MYO1D: variants seen among roughly 807,000 people sequenced by gnomAD.
The protein encoded by MYO1D is unconventional myosin-Id.
Under a neutral mutation model 122.0 loss-of-function variants are expected in MYO1D, and 83 were observed. The observed-to-expected ratio is 0.68, with a 90% CI of 0.57 to 0.82. The LOEUF is 0.82. Among genes scored for constraint, MYO1D ranks in the 40% least tolerant of loss-of-function variants. The pLI is 0.00. For missense variants in MYO1D, 1,157 were observed against 1,269.5 expected (o/e 0.91, Z 1.35); for synonymous variants, 464 against 446.9 (o/e 1.04, Z -0.48).
chr17:32,674,372 T>A (rs1014171849), intron 16 of MYO1D, among the ~76,000 whole-genome samples: 2 of 152,212 alleles, frequency 1.3e-5, no homozygotes, highest in African/African-American at 4.8e-5. Context: ...TATTGCAAAG[T>A]TTTTTTCTGT....
chr17:32,670,852 A>G (rs1275450200), intron 16 of MYO1D, among the ~76,000 whole-genome samples: 1 of 152,196 alleles, frequency 6.6e-6, no homozygotes, highest in Non-Finnish European at 1.5e-5. Flanking sequence ...TTTGTTGCTC[A>G]ATAAAATGTT....
At chr17:32,785,419 A>T (rs1335948454) in intron 1 of MYO1D, among the ~76,000 whole-genome samples, 1 of 152,244 alleles carries the variant, frequency 6.6e-6, no homozygotes, top group Non-Finnish European at 1.5e-5. Flanking sequence ...GGTGTTGCTT[A>T]ATCACACTGA....
chr17:32,700,168 G>A (rs1367330952), intron 16 of MYO1D, among the ~76,000 whole-genome samples: 1 of 152,174 alleles, frequency 6.6e-6, no homozygotes, highest in Non-Finnish European at 1.5e-5. Flanking sequence ...TGGCACCAAG[G>A]ACCAATTTCA....
chr17:32,582,113 C>T (rs950859565), intron 21 of MYO1D, among the ~76,000 whole-genome samples: 4 of 151,918 alleles, frequency 2.6e-5, no homozygotes, highest in Middle Eastern at 6.3e-3. Flanking sequence ...TAGGGTTTTA[C>T]CACGTTGCCC....
chr17:32,642,666 A>C (rs1016756100), intron 19 of MYO1D, among the ~76,000 whole-genome samples: 1 of 152,110 alleles, frequency 6.6e-6, no homozygotes, highest in African/African-American at 2.4e-5. Flanking sequence ...TTGGATTCCT[A>C]GGTATTTTAT....
intron 21 of MYO1D, among the ~76,000 whole-genome samples, chr17:32,519,859 T>C (rs1024554435): frequency 2.7e-5 from 4 of 150,014 alleles, no homozygotes; most frequent in South Asian, 2.1e-4. Context: ...GACAAAAACA[T>C]TGAACAATGG....
intron 8 of MYO1D, among the ~76,000 whole-genome samples, chr17:32,764,572 T>TA (rs1323982237): frequency 7.9e-5 from 12 of 151,848 alleles, no homozygotes; most frequent in Admixed American, 5.9e-4. Flanking sequence ...AAATAAAACT[T>TA]AAAAAAAATG....
intron 1 of MYO1D, among the ~76,000 whole-genome samples, chr17:32,840,079 C>T (rs2090865391): frequency 6.6e-6 from 1 of 152,156 alleles, no homozygotes; most frequent in Admixed American, 6.5e-5. Flanking sequence ...GAGATGTTTA[C>T]CCCACTGGAG....
chr17:32,591,615 T>C (rs1468970914), intron 21 of MYO1D, among the ~76,000 whole-genome samples: 1 of 152,154 alleles, frequency 6.6e-6, no homozygotes, highest in African/African-American at 2.4e-5. Flanking sequence ...GGGATGTTTC[T>C]TTTGCACTTG....
chr17:32,679,014 G>C (rs1260123803), intron 16 of MYO1D, among the ~76,000 whole-genome samples: 1 of 149,886 alleles, frequency 6.7e-6, no homozygotes, highest in Non-Finnish European at 1.5e-5. Context: ...GGCCAGTGAT[G>C]ATGAGCATTT....
chr17:32,578,250 T>C (rs774011317), intron 21 of MYO1D, among the ~76,000 whole-genome samples: 26 of 152,350 alleles, frequency 1.7e-4, no homozygotes, highest in Non-Finnish European at 3.5e-4. Flanking sequence ...GTCCAATAAA[T>C]TGCCATCAAA....
At chr17:32,828,515 CAAAAAA>C (rs137921871) in intron 1 of MYO1D, among the ~76,000 whole-genome samples, 86 of 71,810 alleles carry the variant, frequency 1.2e-3, no homozygotes, top group Admixed American at 1.3e-3. Context: ...GACTCCGTCT[CAAAAAA>C]AAAAAAAAAA....
intron 1 of MYO1D, among the ~76,000 whole-genome samples, chr17:32,795,583 A>C (rs1373747535): frequency 2.0e-5 from 3 of 152,202 alleles, no homozygotes; most frequent in Non-Finnish European, 2.9e-5. Flanking sequence ...ATACAATGTC[A>C]GCACATGAAT....
rs1385483772 is a variant in MYO1D, at chr17:32,820,411, C to T, written c.96-39627G>A. On this transcript the variant is annotated intron_variant, in intron 1 of 21. Transcript: ENST00000318217. Reference sequence around the variant, plus strand: ...ATGGATAAAGAAAATGTGATATACACACATACACAGAAAATGGAATACTAT... The same window carrying T: ...ATGGATAAAGAAAATGTGATATACATACATACACAGAAAATGGAATACTAT... 2.0e-5 allele frequency among the ~76,000 whole-genome samples: 3 copies of T among 152,238 alleles called. No homozygotes were observed. The South Asian group carries it at 6.2e-4, about 32-fold the overall frequency.
At chr17:32,808,991 A>T (rs1357096013) in intron 1 of MYO1D, among the ~76,000 whole-genome samples, 2 of 152,214 alleles carry the variant, frequency 1.3e-5, no homozygotes, top group Admixed American at 6.5e-5. Flanking sequence ...ATGTGTACGT[A>T]TACGTACATA....
At chr17:32,730,444 CAG>C (rs1338565520) in intron 14 of MYO1D, among the ~76,000 whole-genome samples, 4 of 152,130 alleles carry the variant, frequency 2.6e-5, no homozygotes, top group African/African-American at 9.7e-5. Context: ...TTTCGCATTT[CAG>C]AGTTTCACTT....
At chr17:32,659,594 T>A (rs890242265) in intron 16 of MYO1D, 10 of 520,750 alleles carry the variant, frequency 1.9e-5, no homozygotes, top group Middle Eastern at 1.1e-3. Flanking sequence ...TGAAGCTGAG[T>A]CCTGTTTTAA....
At chr17:32,784,014 T>C (rs756297166) in intron 1 of MYO1D, among the ~76,000 whole-genome samples, 7 of 152,220 alleles carry the variant, frequency 4.6e-5, no homozygotes, top group Non-Finnish European at 1.0e-4. Flanking sequence ...GAAAGCATTG[T>C]ACATAAATAA....
chr17:32,610,373 G>A (rs1173547135), intron 20 of MYO1D, among the ~76,000 whole-genome samples: 1 of 152,174 alleles, frequency 6.6e-6, no homozygotes, highest in Non-Finnish European at 1.5e-5. Flanking sequence ...AGGGAAAACA[G>A]TACTTAAGTT....
Sources: gnomAD v4.1 joint callset for allele counts (sites outside exome capture counted in the v4.1 genomes callset) on GRCh38, gnomAD v4.1.1 for gene constraint, MANE v1.5 for transcripts, NCBI Gene and HGNC (gene_info 2026-07-23, HGNC 2026-07-21) for gene names.